The following TIAM2 variants were observed in gnomAD, a reference collection of about 807,000 sequenced individuals.
TIAM2 encodes the protein rho guanine nucleotide exchange factor TIAM2.
In TIAM2, 80 loss-of-function variants were observed where a neutral mutation model predicts 152.9. The observed-to-expected ratio is 0.52, with a 90% confidence interval of 0.44 to 0.63. The LOEUF (loss-of-function observed/expected upper bound fraction) is 0.63. Ranked by LOEUF, TIAM2 falls within the 30% of genes least tolerant of loss-of-function variation. TIAM2 has a pLI of 0.00. For missense variants in TIAM2, 1,965 were observed against 2,120.1 expected (o/e 0.93, Z 1.44); for synonymous variants, 804 against 838.0 (o/e 0.96, Z 0.70).
chr6:155,254,783 A>T (rs1583295293), intron 26 of TIAM2: 1 of 555,324 alleles, frequency 1.8e-6, no homozygotes, highest in Non-Finnish European at 3.2e-6. Flanking sequence ...TTGTCTTCCT[A>T]CCCGCTGACA....
At chr6:155,181,409 C>T (rs1780899022) in intron 12 of TIAM2, among the ~76,000 whole-genome samples, 1 of 152,198 alleles carries the variant, frequency 6.6e-6, no homozygotes. Context: ...AACTGAATTT[C>T]ATGTATTTCA....
chr6:155,110,343 T>C (rs1778812028), intron 2 of TIAM2, among the ~76,000 whole-genome samples: 1 of 150,720 alleles, frequency 6.6e-6, no homozygotes, highest in African/African-American at 2.4e-5. Flanking sequence ...GTTCTTTCTT[T>C]CATCTATTTA....
At chr6:155,141,931 C>A (rs1779716392) in intron 5 of TIAM2, among the ~76,000 whole-genome samples, 1 of 152,174 alleles carries the variant, frequency 6.6e-6, no homozygotes, top group South Asian at 2.1e-4. Context: ...CATTGCTATG[C>A]CAATCTGTTT....
intron 1 of TIAM2, among the ~76,000 whole-genome samples, chr6:155,033,869 A>T (rs7382185): frequency 6.6e-6 from 1 of 151,906 alleles, no homozygotes; most frequent in African/African-American, 2.4e-5. Flanking sequence ...GGTGCGTGCC[A>T]CCACACCCGG....
chr6:155,158,156 C>T lies in TIAM2; in HGVS notation c.2029-6259C>T, dbSNP rs904473349. On this transcript the variant is annotated intron_variant, in intron 7 of 26. Coordinates refer to ENST00000682666, the MANE Select transcript of TIAM2 (RefSeq NM_012454.4). ...CCTAGTAATAGGCAAATGACTACTG[C>T]GATTAAATGACTAAATGGCAGAAAA... Among the ~76,000 whole-genome samples, 18 of 152,100 alleles carry T rather than the reference C, an allele frequency of 1.2e-4. No individual in the cohort carries two copies. The East Asian group carries it at 1.4e-3, about 11-fold the overall frequency.
chr6:155,037,254 T>A (rs1200588631), intron 1 of TIAM2, among the ~76,000 whole-genome samples: 1 of 152,106 alleles, frequency 6.6e-6, no homozygotes, highest in Non-Finnish European at 1.5e-5. Flanking sequence ...TCGAATAGAG[T>A]TGTGAGGCTT....
intron 26 of TIAM2, chr6:155,254,920 AAGATCAAGAACCT>A: frequency 1.0e-5 from 2 of 192,546 alleles, no homozygotes; most frequent in South Asian, 1.5e-4. Context: ...ATGCTGAATG[AAGATCAAGAACCT>A]TACACAGAGG....
chr6:155,171,183 A>C (rs1365972327), intron 9 of TIAM2, among the ~76,000 whole-genome samples: 6 of 152,258 alleles, frequency 3.9e-5, no homozygotes, highest in Non-Finnish European at 7.3e-5. Flanking sequence ...TAATTGATGC[A>C]TCATATAACA....
chr6:155,194,842 GT>G (rs1157465511), intron 14 of TIAM2, among the ~76,000 whole-genome samples: 1 of 152,170 alleles, frequency 6.6e-6, no homozygotes, highest in Non-Finnish European at 1.5e-5. Flanking sequence ...CCAGGTAGAG[GT>G]AATTGAATTA....
intron 14 of TIAM2, among the ~76,000 whole-genome samples, chr6:155,187,961 C>T (rs756924188): frequency 2.6e-5 from 4 of 152,142 alleles, no homozygotes; most frequent in Admixed American, 2.6e-4. Context: ...TGGAGAGCAG[C>T]CCCAGGGCTG....
chr6:155,226,037 C>T (rs972654112), intron 15 of TIAM2, among the ~76,000 whole-genome samples: 2 of 152,180 alleles, frequency 1.3e-5, no homozygotes, highest in Admixed American at 6.5e-5. Flanking sequence ...CCAGAAGCTA[C>T]AATTTTTTTG....
At chr6:155,170,397 A>C (rs978580953) in intron 9 of TIAM2, among the ~76,000 whole-genome samples, 1 of 152,108 alleles carries the variant, frequency 6.6e-6, no homozygotes, top group Non-Finnish European at 1.5e-5. Flanking sequence ...TGGGAGGCTG[A>C]GTCAGGTGGA....
intron 14 of TIAM2, among the ~76,000 whole-genome samples, chr6:155,202,151 A>G (rs779011881): frequency 2.7e-4 from 41 of 152,072 alleles, no homozygotes; most frequent in Admixed American, 5.9e-4. Context: ...TTGGGACTTG[A>G]CTCACCTTTG....
At chr6:155,148,721 C>T (rs564282721) in intron 7 of TIAM2, among the ~76,000 whole-genome samples, 17 of 152,160 alleles carry the variant, frequency 1.1e-4, no homozygotes, top group African/African-American at 3.4e-4. Flanking sequence ...CTTTGGAAAA[C>T]GTGGTTTGGT....
At chr6:155,051,751 T>C (rs1290828078) in intron 1 of TIAM2, among the ~76,000 whole-genome samples, 1 of 152,038 alleles carries the variant, frequency 6.6e-6, no homozygotes. Flanking sequence ...TTCAAGCAAT[T>C]CTCCTGCCTC....
chr6:155,210,996 A>G (rs1363613622), intron 14 of TIAM2, among the ~76,000 whole-genome samples: 2 of 152,200 alleles, frequency 1.3e-5, no homozygotes, highest in African/African-American at 4.8e-5. Context: ...AAACAGGCAG[A>G]TGTTGCCTTT....
intron 14 of TIAM2, among the ~76,000 whole-genome samples, chr6:155,209,207 C>T (rs1178381102): frequency 6.6e-6 from 1 of 151,894 alleles, no homozygotes; most frequent in Non-Finnish European, 1.5e-5. Flanking sequence ...CTGCCTCTCC[C>T]CAGATTAGAA....
intron 15 of TIAM2, among the ~76,000 whole-genome samples, chr6:155,231,026 G>C (rs1782452608): frequency 6.6e-6 from 1 of 150,852 alleles, no homozygotes; most frequent in Admixed American, 6.6e-5. Flanking sequence ...ATTTTTAGTA[G>C]AGATGGGGTT....
At position 155,029,455 on chromosome 6, in the gene TIAM2, T is replaced by TA. The variant is rs1484006742; in HGVS notation, c.-209+33963_-209+33964insA. On this transcript the variant is annotated intron_variant, in intron 1 of 26. Transcript: ENST00000682666. Reference sequence around the variant, plus strand: ...AGTATATATTATACTATAGTATATATTATATATAATATATACTATAGTATA... The same window carrying TA: ...AGTATATATTATACTATAGTATATATATATATATAATATATACTATAGTATA... Among the ~76,000 whole-genome samples, 4 of 41,758 alleles carry TA rather than the reference T, an allele frequency of 9.6e-5. 1 individual carries two copies. The highest frequency in any genetic ancestry group is 8.9e-4 in the Admixed American group (2 of 2,244). The allele number at this position is 41,758 out of a possible 152,430, so 27.4% of individuals were successfully genotyped here. A position where few individuals can be genotyped will look rare whatever the true frequency, so the allele number is the denominator to read the frequency against.
Sources: allele counts gnomAD v4.1 joint callset (sites outside exome capture counted in the v4.1 genomes callset), GRCh38; gene constraint gnomAD v4.1.1; transcripts MANE v1.5; gene names NCBI Gene and HGNC (gene_info 2026-07-23, HGNC 2026-07-21).